Variants in DIS3L2 observed in about 807,000 individuals in gnomAD.
DIS3L2 encodes DIS3 like 3'-5' exoribonuclease 2, also known as DIS3-like exonuclease 2.
In DIS3L2, 34 loss-of-function variants were observed where a neutral mutation model predicts 97.5. The observed-to-expected ratio is 0.35, with a 90% CI of 0.27 to 0.46. DIS3L2 has a LOEUF of 0.46. Ranked by LOEUF, DIS3L2 falls within the 20% of genes least tolerant of loss-of-function variation. The pLI is 1.00. For synonymous variants in DIS3L2, 435 were observed against 445.2 expected (o/e 0.98, Z 0.29); for missense variants, 1,038 against 1,146.0 (o/e 0.91, Z 1.36).
intron 1 of DIS3L2, among the ~76,000 whole-genome samples, chr2:231,965,941 C>G (rs781690861): frequency 3.3e-5 from 5 of 152,140 alleles, no homozygotes; most frequent in Non-Finnish European, 7.3e-5. Flanking sequence ...GCTTCAACCT[C>G]CCGAAGTTCT....
At position 232,119,792 on chromosome 2, in the gene DIS3L2, A is replaced by T. The variant is rs73995102; in HGVS notation, c.602-10827A>T. 5.4e-3 allele frequency among the ~76,000 whole-genome samples: 827 copies of T among 152,234 alleles called. 14 individuals are homozygous for T. Among genetic ancestry groups the T allele is most frequent in the African/African-American group, 0.019 (784 of 41,546 alleles). On this transcript the variant is annotated intron_variant, in intron 6 of 20. Coordinates refer to ENST00000325385, the MANE Select transcript of DIS3L2 (RefSeq NM_152383.5). ...CCACAGTATCCAAGGCTCAGGTCCA[A>T]CTCAGGAATCTGAAGCCACTGCATG... is the stretch of plus-strand genomic sequence containing the variant.
At position 232,334,454 on chromosome 2, in the gene DIS3L2, C is replaced by T. The variant is rs745415974; in HGVS notation, c.2244C>T (p.Arg748=). ...ACGACCGCCGCATGGCGTCCAAGCG[C>T]GTGCAGGAGCTCAGTACCAGTCTCT... ...HCNDRRMASK[R]VQELSTSLFF... The change falls in exon 18 of 21, where the codon CGC becomes CGT. Residue 748 remains arginine (R), a synonymous_variant. Coordinates refer to ENST00000325385, the MANE Select transcript of DIS3L2 (RefSeq NM_152383.5). The T allele has an allele frequency of 3.3e-5, 54 of 1,613,816 alleles. No homozygotes were observed. In the East Asian group the frequency reaches 1.0e-3, roughly 30 times the overall value.
intron 12 of DIS3L2, among the ~76,000 whole-genome samples, chr2:232,262,607 C>T (rs1259537913): frequency 6.6e-6 from 1 of 152,202 alleles, no homozygotes; most frequent in Admixed American, 6.5e-5. Context: ...TTATAATATA[C>T]AGTTCAGCCC....
intron 9 of DIS3L2, among the ~76,000 whole-genome samples, chr2:232,186,195 G>A (rs1691426287): frequency 6.6e-6 from 1 of 152,036 alleles, no homozygotes; most frequent in African/African-American, 2.4e-5. Context: ...ATGGATAAAC[G>A]GAAGACACAC....
chr2:232,260,002 C>T (rs1441101993), intron 12 of DIS3L2: 3 of 152,176 alleles, frequency 2.0e-5, no homozygotes, highest in Non-Finnish European at 4.4e-5. Flanking sequence ...GATCAGGGTG[C>T]AGTGGTTGCC....
chr2:232,102,269 G>T (rs1300342607), intron 6 of DIS3L2, among the ~76,000 whole-genome samples: 1 of 152,194 alleles, frequency 6.6e-6, no homozygotes, highest in African/African-American at 2.4e-5. Context: ...AAAGCAAGGG[G>T]AGTTGTTCTA....
chr2:232,259,199 A>G (rs552135282), intron 12 of DIS3L2, among the ~76,000 whole-genome samples: 34 of 152,312 alleles, frequency 2.2e-4, no homozygotes, highest in African/African-American at 8.2e-4. Context: ...AGTGATCATC[A>G]GCACTGCAGT....
At chr2:232,315,824 G>A (rs920343831) in intron 14 of DIS3L2, among the ~76,000 whole-genome samples, 1 of 152,180 alleles carries the variant, frequency 6.6e-6, no homozygotes, top group East Asian at 1.9e-4. Flanking sequence ...TTCCGCAGCT[G>A]CTCTGAAAGC....
rs183965479 is a variant in DIS3L2 at position 231,991,496 on chromosome 2, C to T, written c.-93-23339C>T. Among the ~76,000 whole-genome samples, 390 of 152,284 alleles carry T rather than the reference C, an allele frequency of 2.6e-3. 3 individuals are homozygous for T. Among genetic ancestry groups the T allele is most frequent in the African/African-American group, 9.2e-3 (381 of 41,566 alleles). ...TGTTGCCCAGGCTGGTCTTAAACTG[C>T]TGGGCTCAAAGGATCCTTCCACCTC... is the stretch of plus-strand genomic sequence containing the variant. On this transcript the variant is annotated intron_variant, in intron 1 of 20. Coordinates refer to ENST00000325385, the MANE Select transcript of DIS3L2 (RefSeq NM_152383.5).
At chr2:232,227,420 C>T (rs1692679717) in intron 10 of DIS3L2, among the ~76,000 whole-genome samples, 1 of 152,134 alleles carries the variant, frequency 6.6e-6, no homozygotes, top group Non-Finnish European at 1.5e-5. Flanking sequence ...AGATGCGTCT[C>T]ATAGCATTGG....
intron 6 of DIS3L2, among the ~76,000 whole-genome samples, chr2:232,114,887 T>C (rs1025360158): frequency 1.3e-5 from 2 of 152,220 alleles, no homozygotes; most frequent in East Asian, 3.8e-4. Flanking sequence ...CTTACAGTTA[T>C]GGAGTATAAG....
At chr2:231,993,698 T>G (rs1693644548) in intron 1 of DIS3L2, among the ~76,000 whole-genome samples, 1 of 152,056 alleles carries the variant, frequency 6.6e-6, no homozygotes, top group South Asian at 2.1e-4. Context: ...TAATATACAT[T>G]TAAGTCCCTC....
At chr2:232,002,722 C>T (rs1329827396) in intron 1 of DIS3L2, among the ~76,000 whole-genome samples, 2 of 152,150 alleles carry the variant, frequency 1.3e-5, no homozygotes, top group Non-Finnish European at 2.9e-5. Context: ...TGTTATTCCA[C>T]ATCCATTTCT....
At chr2:232,082,078 C>T (rs1053554678) in intron 5 of DIS3L2, among the ~76,000 whole-genome samples, 2 of 152,184 alleles carry the variant, frequency 1.3e-5, no homozygotes, top group African/African-American at 4.8e-5. Context: ...GCATGAGCCA[C>T]CGTGCCCGGC....
chr2:232,167,518 T>A (rs918913588), intron 9 of DIS3L2, among the ~76,000 whole-genome samples: 1 of 152,204 alleles, frequency 6.6e-6, no homozygotes, highest in Admixed American at 6.5e-5. Flanking sequence ...TTTTGATGAT[T>A]ATCATAATTG....
At chr2:231,972,214 A>G (rs1297020038) in intron 1 of DIS3L2, among the ~76,000 whole-genome samples, 2 of 152,132 alleles carry the variant, frequency 1.3e-5, no homozygotes, top group South Asian at 2.1e-4. Context: ...ATAAATAAAA[A>G]TAAAAAATAG....
intron 6 of DIS3L2, among the ~76,000 whole-genome samples, chr2:232,100,894 T>C (rs1697183524): frequency 6.6e-6 from 1 of 152,048 alleles, no homozygotes; most frequent in African/African-American, 2.4e-5. Flanking sequence ...AAGCTGTTTA[T>C]TATTGTGTGT....
At position 232,061,482 on chromosome 2, in the gene DIS3L2, C is replaced by T. The variant is rs533747806; in HGVS notation, c.367-26005C>T. Among the ~76,000 whole-genome samples, 4 of 152,324 alleles carry T rather than the reference C, an allele frequency of 2.6e-5. No homozygotes were observed. In the East Asian group the frequency reaches 7.7e-4, roughly 29 times the overall value. ...AGATCAACCACAATGAAGATAAGCT[C>T]CCTGCTTTTATGTTATTGTGAGCAC... On this transcript the variant is annotated intron_variant, in intron 5 of 20. Coordinates refer to ENST00000325385, the MANE Select transcript of DIS3L2 (RefSeq NM_152383.5).
intron 14 of DIS3L2, 28 bp from the exon 15 acceptor site, chr2:232,329,785 T>TCCCGGGGG: frequency 4.8e-5 from 46 of 967,106 alleles, no homozygotes; most frequent in Non-Finnish European, 6.1e-5. Flanking sequence ...ACCCCAGCGG[T>TCCCGGGGG]CCCTCCCATC....
Sources: allele counts gnomAD v4.1 joint callset (sites outside exome capture counted in the v4.1 genomes callset), GRCh38; gene constraint gnomAD v4.1.1; transcripts MANE v1.5; gene names NCBI Gene and HGNC (gene_info 2026-07-23, HGNC 2026-07-21).